SLC22A15: variants seen among roughly 807,000 people sequenced by gnomAD.
The protein encoded by SLC22A15 is flipt 1.
A neutral mutation model predicts 62.7 loss-of-function variants in SLC22A15; 45 were observed. That is an observed-to-expected ratio of 0.72 (90% CI 0.56 to 0.92). The LOEUF is 0.92. Among genes scored for constraint, SLC22A15 ranks in the 40% least tolerant of loss-of-function variants. The probability of loss-of-function intolerance (pLI) is 0.00; values close to 1 mark genes in which losing one functional copy is unlikely to be tolerated. For synonymous variants in SLC22A15, 264 were observed against 267.0 expected (o/e 0.99, Z 0.11); for missense variants, 622 against 665.6 (o/e 0.93, Z 0.72).
At chr1:116,052,684 G>A (rs893823711) in intron 8 of SLC22A15, among the ~76,000 whole-genome samples, 3 of 152,276 alleles carry the variant, frequency 2.0e-5, no homozygotes, top group East Asian at 3.9e-4. Context: ...CACCTCACAC[G>A]GCGGGCTACT....
intron 4 of SLC22A15, among the ~76,000 whole-genome samples, chr1:116,022,449 A>G (rs1656888213): frequency 6.6e-6 from 1 of 152,194 alleles, no homozygotes; most frequent in Admixed American, 6.5e-5. Context: ...GTGCTCATGT[A>G]GAGCACCATG....
At chr1:116,012,130 T>G (rs2101225132) in intron 2 of SLC22A15, among the ~76,000 whole-genome samples, 1 of 152,336 alleles carries the variant, frequency 6.6e-6, no homozygotes, top group South Asian at 2.1e-4. Flanking sequence ...ATAGCATGTT[T>G]TTCAACTATT....
At chr1:115,985,584 G>A (rs1259132953) in intron 1 of SLC22A15, among the ~76,000 whole-genome samples, 1 of 148,368 alleles carries the variant, frequency 6.7e-6, no homozygotes, top group African/African-American at 2.5e-5. Context: ...TTACAATTTT[G>A]TTTTTTTTTT....
intron 8 of SLC22A15, among the ~76,000 whole-genome samples, chr1:116,046,393 T>C (rs535723377): frequency 6.6e-6 from 1 of 152,124 alleles, no homozygotes; most frequent in Admixed American, 6.5e-5. Flanking sequence ...AGGACTCTAA[T>C]AATAAGGAAA....
In SLC22A15 at chr1:116,067,928, A is replaced by C. The variant is rs1203446388; in HGVS notation, c.*820A>C. The C allele has an allele frequency of 6.6e-6, 1 of 152,246 alleles. No homozygotes were observed. The highest frequency in any genetic ancestry group is 1.5e-5 in the Non-Finnish European group (1 of 68,036). 9.4% of individuals were successfully genotyped at this position (152,246 alleles called of 1,614,324 possible). A position where few individuals can be genotyped will look rare whatever the true frequency, so the allele number is the denominator to read the frequency against. On this transcript the variant is annotated 3_prime_UTR_variant, in exon 12 of 12. Coordinates refer to ENST00000369503, the MANE Select transcript of SLC22A15 (RefSeq NM_018420.3). ...TTCAAAATCATGCATAGTAAATGAGAAAGCTTTAAGTAGAGGGCAGTTAAA... is the reference window on the plus strand; with the variant it reads ...TTCAAAATCATGCATAGTAAATGAGCAAGCTTTAAGTAGAGGGCAGTTAAA...
chr1:116,013,802 G>A (rs1420691800), intron 2 of SLC22A15: 1 of 152,224 alleles, frequency 6.6e-6, no homozygotes, highest in Non-Finnish European at 1.5e-5. Flanking sequence ...CACTCAGTCT[G>A]TGGTTGGCCT....
At chr1:116,023,880 C>T (rs58898471) in intron 4 of SLC22A15, among the ~76,000 whole-genome samples, 3,837 of 152,138 alleles carry the variant, frequency 0.025, 172 homozygotes, top group African/African-American at 0.085. Flanking sequence ...TGGCAAAGAC[C>T]CAGGCCTTGA....
At chr1:115,989,038 T>A (rs2101079383) in intron 1 of SLC22A15, among the ~76,000 whole-genome samples, 1 of 152,266 alleles carries the variant, frequency 6.6e-6, no homozygotes, top group South Asian at 2.1e-4. Context: ...TGGCACTGCA[T>A]AGAAGAGTTG....
intron 1 of SLC22A15, among the ~76,000 whole-genome samples, chr1:115,982,521 A>G (rs921116522): frequency 1.3e-5 from 2 of 152,138 alleles, no homozygotes; most frequent in Admixed American, 1.3e-4. Context: ...TGGCTGTAGC[A>G]TGGTATTTCA....
intron 2 of SLC22A15, among the ~76,000 whole-genome samples, chr1:116,006,650 G>A (rs1211626662): frequency 1.3e-5 from 2 of 151,868 alleles, no homozygotes; most frequent in African/African-American, 2.4e-5. Context: ...GTATCTCTGT[G>A]TCCCCTCCCT....
chr1:116,043,314 T>C (rs1657839657), intron 8 of SLC22A15, among the ~76,000 whole-genome samples: 2 of 152,144 alleles, frequency 1.3e-5, no homozygotes, highest in South Asian at 4.2e-4. Context: ...TAATCCCAGC[T>C]ATTTGGGAGG....
At chr1:116,011,713 T>G (rs1288330296) in intron 2 of SLC22A15, among the ~76,000 whole-genome samples, 1 of 151,886 alleles carries the variant, frequency 6.6e-6, no homozygotes, top group Non-Finnish European at 1.5e-5. Context: ...AGTGGTAAGC[T>G]CTGCTGGGGT....
chr1:116,022,899 C>A (rs1483605013), intron 4 of SLC22A15, among the ~76,000 whole-genome samples: 1 of 152,204 alleles, frequency 6.6e-6, no homozygotes, highest in East Asian at 1.9e-4. Flanking sequence ...TCTGATAGCA[C>A]CTGGAACTTT....
At chr1:116,012,903 A>G (rs1308569306) in intron 2 of SLC22A15, among the ~76,000 whole-genome samples, 1 of 152,224 alleles carries the variant, frequency 6.6e-6, no homozygotes, top group Non-Finnish European at 1.5e-5. Context: ...CCCCATCAGC[A>G]GCAGCTCCCA....
At chr1:116,048,380 GA>G (rs1657978088) in intron 8 of SLC22A15, among the ~76,000 whole-genome samples, 2 of 152,208 alleles carry the variant, frequency 1.3e-5, no homozygotes, top group Non-Finnish European at 2.9e-5. Flanking sequence ...ATTAACGGCA[GA>G]TTTCTCAGCA....
intron 5 of SLC22A15, chr1:116,027,378 A>T (rs1657147406): frequency 3.8e-6 from 2 of 520,672 alleles, no homozygotes; most frequent in Non-Finnish European, 7.7e-6. Context: ...GATTTTGTAG[A>T]ACAGTGTATT....
At chr1:116,027,916 C>T (rs1214583511) in intron 5 of SLC22A15, among the ~76,000 whole-genome samples, 4 of 152,140 alleles carry the variant, frequency 2.6e-5, no homozygotes, top group South Asian at 2.1e-4. Context: ...TGAGCCACCG[C>T]GCCTGGCAGA....
intron 2 of SLC22A15, among the ~76,000 whole-genome samples, chr1:116,008,711 C>G (rs1036769326): frequency 1.1e-4 from 16 of 152,200 alleles, no homozygotes; most frequent in Non-Finnish European, 2.1e-4. Flanking sequence ...GAAGGGAAAG[C>G]AATAATACTA....
intron 1 of SLC22A15, among the ~76,000 whole-genome samples, chr1:115,987,164 ATT>A (rs1157832035): frequency 3.2e-4 from 44 of 137,950 alleles, no homozygotes; most frequent in African/African-American, 6.3e-4. Flanking sequence ...ATGTAGATAG[ATT>A]TTTTTTTTTT....
Sources: allele counts gnomAD v4.1 joint callset (sites outside exome capture counted in the v4.1 genomes callset), GRCh38; gene constraint gnomAD v4.1.1; transcripts MANE v1.5; gene names NCBI Gene and HGNC (gene_info 2026-07-23, HGNC 2026-07-21).